The following COL27A1 variants were observed in gnomAD, a reference collection of about 807,000 sequenced individuals.
COL27A1 encodes collagen type XXVII alpha 1 chain.
A neutral mutation model predicts 251.3 loss-of-function variants in COL27A1; 106 were observed. The observed-to-expected ratio is 0.42, with a 90% confidence interval of 0.36 to 0.50. COL27A1 has a LOEUF of 0.50. COL27A1 is among the 20% of genes least tolerant of loss of function. The pLI, the probability that COL27A1 is intolerant of heterozygous loss-of-function variation, is 0.00. For synonymous variants in COL27A1, 1,000 were observed against 986.3 expected (o/e 1.01, Z -0.26); for missense variants, 2,325 against 2,522.8 (o/e 0.92, Z 1.68).
At position 114,281,043 on chromosome 9, in the gene COL27A1, T is replaced by C. The variant is rs149232013; in HGVS notation, c.3718-1234T>C. ...CCTGTCCCTCTTCTATCACAATTAGTCAGTGCCTCTTCTTAAAGTACAATA... is the reference window on the plus strand; with the variant it reads ...CCTGTCCCTCTTCTATCACAATTAGCCAGTGCCTCTTCTTAAAGTACAATA... On this transcript the variant is annotated intron_variant, in intron 37 of 60. Coordinates refer to ENST00000356083, the MANE Select transcript of COL27A1 (RefSeq NM_032888.4). Among the ~76,000 whole-genome samples, 163 of 152,346 alleles carry C rather than the reference T, an allele frequency of 1.1e-3. 1 individual carries two copies. Among genetic ancestry groups the C allele is most frequent in the East Asian group, 8.1e-3 (42 of 5,182 alleles).
intron 37 of COL27A1, among the ~76,000 whole-genome samples, chr9:114,277,765 G>T (rs958949682): frequency 1.3e-5 from 2 of 152,192 alleles, no homozygotes; most frequent in African/African-American, 4.8e-5. Context: ...CTTGGTCTGC[G>T]ACCTTTCACC....
At chr9:114,173,584 C>T (rs767328331) in intron 3 of COL27A1, among the ~76,000 whole-genome samples, 5 of 152,116 alleles carry the variant, frequency 3.3e-5, no homozygotes, top group Non-Finnish European at 5.9e-5. Flanking sequence ...ATGCCTGGTG[C>T]TGTATGACCT....
intron 7 of COL27A1, among the ~76,000 whole-genome samples, chr9:114,204,200 G>A (rs1324132427): frequency 1.3e-5 from 2 of 152,152 alleles, no homozygotes; most frequent in African/African-American, 4.8e-5. Flanking sequence ...AGAAGGGTAG[G>A]AACCCACCCA....
At chr9:114,154,727 G>T (rs143601047), upstream of COL27A1, among the ~76,000 whole-genome samples, 249 of 152,262 alleles carry the variant, frequency 1.6e-3, 1 homozygote, top group South Asian at 0.025. This position sits in a 1 kb window ranked among gnomAD's most constrained non-coding sequence, Gnocchi z 5.8. Context: ...TCCCAGAATG[G>T]GACCGTGTGT....
intron 21 of COL27A1, 130 bp from the exon 22 acceptor site, chr9:114,242,057 C>A: frequency 4.1e-6 from 3 of 729,542 alleles, no homozygotes; most frequent in South Asian, 2.5e-5. Flanking sequence ...GTGGGCCAGG[C>A]GTGCTGTTTC....
intron 23 of COL27A1, among the ~76,000 whole-genome samples, chr9:114,245,465 G>A (rs1436054951): frequency 6.6e-6 from 1 of 152,148 alleles, no homozygotes; most frequent in East Asian, 1.9e-4. Context: ...CCCAGAATGT[G>A]CATTTCAACC....
chr9:114,228,913 C>CT (rs971987500), intron 14 of COL27A1, among the ~76,000 whole-genome samples: 34 of 152,214 alleles, frequency 2.2e-4, no homozygotes, highest in African/African-American at 7.9e-4. Context: ...CCTTGAACTC[C>CT]TGGGCTCAAG....
intron 57 of COL27A1, chr9:114,306,242 ACC>A: frequency 3.0e-6 from 1 of 329,944 alleles, no homozygotes; most frequent in Non-Finnish European, 5.6e-6. Flanking sequence ...ACCCTCGCCT[ACC>A]TCATTCACGG....
At chr9:114,171,323 C>T (rs1340109212) in intron 3 of COL27A1, among the ~76,000 whole-genome samples, 2 of 152,144 alleles carry the variant, frequency 1.3e-5, no homozygotes, top group Non-Finnish European at 2.9e-5. Context: ...AGACTGTAGC[C>T]TCCAAGACTA....
At chr9:114,236,362 G>A (rs58407992) in intron 17 of COL27A1, among the ~76,000 whole-genome samples, 1,869 of 152,276 alleles carry the variant, frequency 0.012, 39 homozygotes, top group African/African-American at 0.043. Flanking sequence ...TCAGGGTCCT[G>A]TCCTTGATCA....
rs1838064180 is a variant in COL27A1, at chr9:114,301,267, G to T, written c.4756-17G>T. ...TCACCTCTGGGCCCTGTCTCACTGG[G>T]CCGTGGTTTGTTGCAGGGTCCGAAG... On this transcript the variant is annotated splice_polypyrimidine_tract_variant and intron_variant, in intron 52 of 60. Coordinates refer to ENST00000356083, the MANE Select transcript of COL27A1 (RefSeq NM_032888.4). 2 of 1,612,270 alleles carry T rather than the reference G, an allele frequency of 1.2e-6. No homozygotes were observed. Among genetic ancestry groups the T allele is most frequent in the Middle Eastern group, 3.3e-4 (2 of 6,062 alleles).
chr9:114,279,394 T>C (rs1261946833), intron 37 of COL27A1, among the ~76,000 whole-genome samples: 2 of 152,198 alleles, frequency 1.3e-5, no homozygotes, highest in African/African-American at 2.4e-5. Flanking sequence ...GTGAGGGTTG[T>C]AGGGATTGTT....
chr9:114,168,041 G>C lies in COL27A1; in HGVS notation c.486G>C (p.Glu162Asp), dbSNP rs1293965520. ...HDGRWHHLALELRGRTVTLVT... is the reference protein window; with the variant it reads ...HDGRWHHLALDLRGRTVTLVT... ...GGCGCTGGCACCACCTGGCCCTCGA[G>C]CTCCGAGGCCGCACAGTCACTCTGG... The change falls in exon 3 of 61, where the codon GAG (glutamate) becomes GAC (aspartate). Residue 162 changes from glutamate to aspartate, a missense_variant. Coordinates refer to ENST00000356083, the MANE Select transcript of COL27A1 (RefSeq NM_032888.4). 1.2e-6 allele frequency: 2 copies of C among 1,606,376 alleles called. No individual in the cohort carries two copies. Among genetic ancestry groups the C allele is most frequent in the South Asian group, 2.2e-5 (2 of 91,048 alleles).
At chr9:114,228,819 T>C (rs1831708766) in intron 14 of COL27A1, among the ~76,000 whole-genome samples, 1 of 152,150 alleles carries the variant, frequency 6.6e-6, no homozygotes, top group South Asian at 2.1e-4. Context: ...GCAGAATTTC[T>C]TTCTCTCTCT....
At chr9:114,306,438 G>A in intron 57 of COL27A1, 82 bp from the exon 58 acceptor site, 1 of 1,414,530 alleles carries the variant, frequency 7.1e-7, no homozygotes, top group East Asian at 2.3e-5. Context: ...CCCAGGTTGT[G>A]AGAACTGGGG....
chr9:114,301,202 G>A, intron 52 of COL27A1, 77 bp downstream of exon 52: 1 of 1,608,924 alleles, frequency 6.2e-7, no homozygotes, highest in South Asian at 1.1e-5. Context: ...GTGACTCAGT[G>A]CCAGTCTGAG....
At chr9:114,200,542 C>T (rs1392086193) in intron 7 of COL27A1, among the ~76,000 whole-genome samples, 1 of 152,156 alleles carries the variant, frequency 6.6e-6, no homozygotes, top group Non-Finnish European at 1.5e-5. Flanking sequence ...AGAAAATATA[C>T]CTTCCTGCCT....
chr9:114,267,477 G>C lies in COL27A1; in HGVS notation c.3448-27G>C, dbSNP rs369662595. 8 of 1,597,094 alleles carry C rather than the reference G, an allele frequency of 5.0e-6. No homozygotes were observed. In the African/African-American group the frequency reaches 1.1e-4, roughly 22 times the overall value. Reference sequence around the variant, plus strand: ...CAACCAGGGGGCAGCTCTTGCTCTAGGAGGGACCAATGGCGTTTTCTTTCA... The same window carrying C: ...CAACCAGGGGGCAGCTCTTGCTCTACGAGGGACCAATGGCGTTTTCTTTCA... On this transcript the variant is annotated intron_variant, in intron 33 of 60. Coordinates refer to ENST00000356083, the MANE Select transcript of COL27A1 (RefSeq NM_032888.4).
At chr9:114,229,460 G>A (rs559986329) in intron 14 of COL27A1, among the ~76,000 whole-genome samples, 2 of 152,248 alleles carry the variant, frequency 1.3e-5, no homozygotes, top group East Asian at 1.9e-4. Flanking sequence ...CCTCCGAGAC[G>A]TCTCCAGGCA....
Sources: allele counts gnomAD v4.1 joint callset (sites outside exome capture counted in the v4.1 genomes callset), GRCh38; gene constraint gnomAD v4.1.1; non-coding constraint Gnocchi (gnomAD v3.1); transcripts MANE v1.5; gene names NCBI Gene and HGNC (gene_info 2026-07-23, HGNC 2026-07-21).